Variants in UMAD1 observed in about 807,000 individuals in gnomAD.
The protein encoded by UMAD1 is UBAP1-MVB12-associated (UMA)-domain containing protein 1.
Under a neutral mutation model 6.1 loss-of-function variants are expected in UMAD1, and 8 were observed. The ratio of observed to expected loss-of-function variants is 1.30; its 90% CI spans 0.76 to 2.35. The LOEUF (loss-of-function observed/expected upper bound fraction) is 2.35. Among genes scored for constraint, UMAD1 ranks in the 30% most tolerant of loss-of-function variants. The probability of loss-of-function intolerance (pLI) is 0.00; values close to 1 mark genes in which losing one functional copy is unlikely to be tolerated. For synonymous variants in UMAD1, 56 were observed against 31.4 expected (o/e 1.78, Z -2.61); for missense variants, 130 against 78.4 (o/e 1.66, Z -2.49).
chr7:7,805,065 A>G (rs903371725), intron 3 of UMAD1, among the ~76,000 whole-genome samples: 1 of 152,192 alleles, frequency 6.6e-6, no homozygotes, highest in African/African-American at 2.4e-5. Flanking sequence ...CTACCTAGAT[A>G]TAGTCAAAAA....
chr7:7,863,426 A>G (rs1784150628), intron 3 of UMAD1, among the ~76,000 whole-genome samples: 1 of 152,212 alleles, frequency 6.6e-6, no homozygotes, highest in Non-Finnish European at 1.5e-5. Context: ...GATCTAACTG[A>G]GTTATCATGA....
intron 2 of UMAD1, among the ~76,000 whole-genome samples, chr7:7,762,458 A>T (rs544442846): frequency 6.6e-6 from 1 of 151,870 alleles, no homozygotes; most frequent in South Asian, 2.1e-4. Flanking sequence ...TTTTCCTTTC[A>T]TTTTTCGTGG....
intron 2 of UMAD1, among the ~76,000 whole-genome samples, chr7:7,726,585 G>A (rs1365265769): frequency 6.6e-6 from 1 of 152,196 alleles, no homozygotes; most frequent in African/African-American, 2.4e-5. Flanking sequence ...CAGGAATCAA[G>A]GGGTGGAAGT....
chr7:7,774,339 G>A (rs926946958), intron 2 of UMAD1, among the ~76,000 whole-genome samples: 1 of 152,212 alleles, frequency 6.6e-6, no homozygotes, highest in East Asian at 1.9e-4. Context: ...GCAGGATGCA[G>A]CAATAGAATT....
At chr7:7,791,971 T>C (rs1782575064) in intron 2 of UMAD1, among the ~76,000 whole-genome samples, 1 of 152,234 alleles carries the variant, frequency 6.6e-6, no homozygotes, top group South Asian at 2.1e-4. Flanking sequence ...AAACTTTCTT[T>C]ATATTTTAGC....
At chr7:7,846,560 A>G (rs891244511) in intron 3 of UMAD1, among the ~76,000 whole-genome samples, 4 of 152,156 alleles carry the variant, frequency 2.6e-5, no homozygotes, top group African/African-American at 9.7e-5. Context: ...AGCTCAGCTG[A>G]GTAGTAATAT....
chr7:7,788,269 G>A (rs1782496990), intron 2 of UMAD1, among the ~76,000 whole-genome samples: 1 of 152,212 alleles, frequency 6.6e-6, no homozygotes, highest in Non-Finnish European at 1.5e-5. Context: ...TAGTCTTGAG[G>A]TAGTTGTGTT....
intron 2 of UMAD1, among the ~76,000 whole-genome samples, chr7:7,751,290 C>G (rs1174838836): frequency 6.6e-6 from 1 of 152,096 alleles, no homozygotes; most frequent in Non-Finnish European, 1.5e-5. Flanking sequence ...GCAAATAAAA[C>G]TTTTAGAGTT....
intron 3 of UMAD1, among the ~76,000 whole-genome samples, chr7:7,865,468 G>C (rs1447056313): frequency 6.6e-6 from 1 of 152,164 alleles, no homozygotes; most frequent in Non-Finnish European, 1.5e-5. Context: ...CCTTGGGGAG[G>C]AATAAGGGGT....
In UMAD1 at chr7:7,670,799, C is replaced by T. The variant is rs575440558; in HGVS notation, c.-63-2510C>T. On this transcript the variant is annotated intron_variant, in intron 1 of 3. Transcript: ENST00000682710. ...CCAAAACCACTCCCATTTACAAAGG[C>T]GAACAAAGGGAGAGAGAGAACAGTC... is the stretch of plus-strand genomic sequence containing the variant. 1.1e-4 allele frequency among the ~76,000 whole-genome samples: 16 copies of T among 152,274 alleles called. No homozygotes were observed. The South Asian group carries it at 2.5e-3, about 24-fold the overall frequency.
chr7:7,838,754 G>A, intron 3 of UMAD1, among the ~76,000 whole-genome samples: 1 of 152,232 alleles, frequency 6.6e-6, no homozygotes, highest in African/African-American at 2.4e-5. Context: ...ATACTCTTAA[G>A]GATATGAAAA....
chr7:7,839,722 GGTTTGGCCTTAGGGTCAA>G (rs1026520853), intron 3 of UMAD1, among the ~76,000 whole-genome samples: 4 of 152,194 alleles, frequency 2.6e-5, no homozygotes, highest in African/African-American at 9.6e-5. Flanking sequence ...ACAAATGAGT[GGTTTGGCCTTAGGGTCAA>G]GTTGACAAGT....
chr7:7,685,257 G>T (rs1236554291), intron 2 of UMAD1, among the ~76,000 whole-genome samples: 1 of 151,050 alleles, frequency 6.6e-6, no homozygotes. Context: ...TTTATTCATT[G>T]CATGCAACCA....
intron 3 of UMAD1, among the ~76,000 whole-genome samples, chr7:7,810,416 A>G (rs1783000005): frequency 6.6e-6 from 1 of 152,148 alleles, no homozygotes; most frequent in South Asian, 2.1e-4. Flanking sequence ...AAGATGGCAT[A>G]TTCAGTCAGT....
At chr7:7,858,091 A>G (rs1455502794) in intron 3 of UMAD1, among the ~76,000 whole-genome samples, 1 of 152,188 alleles carries the variant, frequency 6.6e-6, no homozygotes, top group Non-Finnish European at 1.5e-5. Flanking sequence ...AATAGTACCT[A>G]CCTCATAAAG....
At chr7:7,778,275 TGAGA>T (rs1554327252) in intron 2 of UMAD1, among the ~76,000 whole-genome samples, 2,282 of 110,532 alleles carry the variant, frequency 0.021, 33 homozygotes, top group East Asian at 0.03. Context: ...TGTGTGTGTG[TGAGA>T]GAGAGAGAGA....
At chr7:7,861,623 C>T (rs549936954) in intron 3 of UMAD1, among the ~76,000 whole-genome samples, 7 of 152,296 alleles carry the variant, frequency 4.6e-5, no homozygotes, top group South Asian at 2.1e-4. Flanking sequence ...TTTGGTATGA[C>T]ACATTTCCTT....
intron 1 of UMAD1, among the ~76,000 whole-genome samples, chr7:7,668,412 GA>G (rs777182207): frequency 2.0e-5 from 3 of 152,120 alleles, no homozygotes; most frequent in Non-Finnish European, 4.4e-5. Context: ...GAGGGAGAGA[GA>G]GGGGGACCAT....
In UMAD1 at chr7:7,830,412, G is replaced by A. The variant is rs1025256135; in HGVS notation, c.156+28669G>A. On this transcript the variant is annotated intron_variant, in intron 3 of 3. Coordinates refer to ENST00000682710, the MANE Select transcript of UMAD1 (RefSeq NM_001302348.2). The surrounding 1 kb of genome is among the most constrained non-coding windows in gnomAD (Gnocchi z 5.3). ...ATCAGAAGTTCATTCTCTGCTTGAA[G>A]CACGTTCATACTATATTGATTTTTT... Among the ~76,000 whole-genome samples, 2 of 152,092 alleles carry A rather than the reference G, an allele frequency of 1.3e-5. No homozygotes were observed. The highest frequency in any genetic ancestry group is 4.8e-5 in the African/African-American group (2 of 41,406).
Sources: allele counts gnomAD v4.1 joint callset (sites outside exome capture counted in the v4.1 genomes callset), GRCh38; gene constraint gnomAD v4.1.1; non-coding constraint Gnocchi (gnomAD v3.1); transcripts MANE v1.5; gene names NCBI Gene and HGNC (gene_info 2026-07-23, HGNC 2026-07-21).